Variants in KSR2 observed in about 807,000 individuals in gnomAD.
KSR2 encodes kinase suppressor of ras 2.
In KSR2, 25 loss-of-function variants were observed where a neutral mutation model predicts 107.8. That is an observed-to-expected ratio of 0.23 (90% confidence interval 0.17 to 0.32). KSR2 has a LOEUF of 0.32. KSR2 is among the 10% of genes least tolerant of loss of function. KSR2 has a pLI of 1.00. For missense variants in KSR2, 887 were observed against 1,268.9 expected, an observed-to-expected ratio of 0.70 and a Z score of 4.57; for synonymous variants, 480 against 507.0, an observed-to-expected ratio of 0.95 and a Z score of 0.71.
intron 3 of KSR2, among the ~76,000 whole-genome samples, chr12:117,841,847 T>C (rs913120399): frequency 6.6e-6 from 1 of 152,176 alleles, no homozygotes; most frequent in East Asian, 1.9e-4. Context: ...GGAATAATAA[T>C]CCTACGGACC....
chr12:117,611,639 C>T (rs1881608010), intron 5 of KSR2, among the ~76,000 whole-genome samples: 1 of 152,216 alleles, frequency 6.6e-6, no homozygotes. Context: ...GAACAGGTCC[C>T]GAGTAGAAAT....
intron 4 of KSR2, among the ~76,000 whole-genome samples, chr12:117,728,284 G>A (rs1367719013): frequency 1.3e-5 from 2 of 152,154 alleles, no homozygotes; most frequent in South Asian, 2.1e-4. Context: ...ATAAAGATAA[G>A]GGGCAAATAA....
intron 1 of KSR2, among the ~76,000 whole-genome samples, chr12:117,908,961 A>C (rs1894937353): frequency 6.6e-6 from 1 of 152,154 alleles, no homozygotes; most frequent in Admixed American, 6.5e-5. Flanking sequence ...AGTCCAATCC[A>C]ATTTTGCAGG....
chr12:117,656,975 TAATAGG>T (rs777513607), intron 5 of KSR2, among the ~76,000 whole-genome samples: 8,003 of 89,440 alleles, frequency 0.089, 467 homozygotes, highest in Admixed American at 0.2. Flanking sequence ...TATATATATA[TAATAGG>T]ATATATATAT....
At chr12:117,670,770 G>T (rs902377563) in intron 4 of KSR2, among the ~76,000 whole-genome samples, 1 of 152,172 alleles carries the variant, frequency 6.6e-6, no homozygotes, top group African/African-American at 2.4e-5. Flanking sequence ...AGATGAAGGA[G>T]ACAGGGCAGG....
chr12:117,734,988 C>T (rs985607980), intron 4 of KSR2, among the ~76,000 whole-genome samples: 1 of 152,178 alleles, frequency 6.6e-6, no homozygotes, highest in African/African-American at 2.4e-5. Flanking sequence ...TTTGCCCTCA[C>T]GGCCTCCACT....
chr12:117,550,573 A>T (rs1397177753), intron 9 of KSR2, among the ~76,000 whole-genome samples: 3 of 152,180 alleles, frequency 2.0e-5, no homozygotes, highest in African/African-American at 7.2e-5. Context: ...GAGATAGGCC[A>T]TTAGGAAGAA....
At chr12:117,836,486 G>A (rs1892218412) in intron 3 of KSR2, among the ~76,000 whole-genome samples, 1 of 152,172 alleles carries the variant, frequency 6.6e-6, no homozygotes, top group South Asian at 2.1e-4. Context: ...GTCCCAGACA[G>A]AGGCAAAAGC....
chr12:117,634,872 C>T (rs1882987910), intron 5 of KSR2, among the ~76,000 whole-genome samples: 1 of 152,146 alleles, frequency 6.6e-6, no homozygotes, highest in Non-Finnish European at 1.5e-5. Context: ...CTGGCCACCC[C>T]AAAGATGGAG....
intron 1 of KSR2, among the ~76,000 whole-genome samples, chr12:117,934,055 T>C (rs1895771331): frequency 6.6e-6 from 1 of 152,204 alleles, no homozygotes; most frequent in African/African-American, 2.4e-5. Flanking sequence ...TTCCTAGTAA[T>C]ATGTTCTTTA....
At chr12:117,862,487 G>A (rs1378425573) in intron 1 of KSR2, among the ~76,000 whole-genome samples, 1 of 151,882 alleles carries the variant, frequency 6.6e-6, no homozygotes, top group Non-Finnish European at 1.5e-5. Flanking sequence ...GCTATATGGT[G>A]AAACCCTGTC....
chr12:117,905,377 A>G (rs1593357193), intron 1 of KSR2, among the ~76,000 whole-genome samples: 1 of 152,184 alleles, frequency 6.6e-6, no homozygotes, highest in Non-Finnish European at 1.5e-5. Context: ...GTTATAATAC[A>G]AATAAAATAA....
chr12:117,598,354 C>T (rs776395345), intron 5 of KSR2, among the ~76,000 whole-genome samples: 14 of 152,130 alleles, frequency 9.2e-5, no homozygotes, highest in South Asian at 2.1e-4. Flanking sequence ...GGTGTATATA[C>T]GTATACCACA....
At chr12:117,766,070 T>C (rs1480961174) in intron 3 of KSR2, among the ~76,000 whole-genome samples, 1 of 152,110 alleles carries the variant, frequency 6.6e-6, no homozygotes, top group African/African-American at 2.4e-5. Flanking sequence ...CCCCAAATAA[T>C]TGAAAGCAAG....
chr12:117,681,365 G>C (rs1004295276), intron 4 of KSR2, among the ~76,000 whole-genome samples: 7 of 152,066 alleles, frequency 4.6e-5, no homozygotes, highest in Non-Finnish European at 1.0e-4. Flanking sequence ...TGGGAAGGCA[G>C]ACCTGGCATT....
At chr12:117,711,112 T>C (rs964334653) in intron 4 of KSR2, among the ~76,000 whole-genome samples, 2 of 152,244 alleles carry the variant, frequency 1.3e-5, no homozygotes, top group South Asian at 2.1e-4. Flanking sequence ...TTATAACTTA[T>C]ATCTCTTTGT....
At chr12:117,850,225 T>C (rs547546865) in intron 3 of KSR2, among the ~76,000 whole-genome samples, 68 of 152,290 alleles carry the variant, frequency 4.5e-4, no homozygotes, top group Admixed American at 3.9e-3. Context: ...GGCTCAGCGG[T>C]GTAGACCTGG....
At chr12:117,487,741 A>G (rs1872542425) in intron 14 of KSR2, among the ~76,000 whole-genome samples, 1 of 152,142 alleles carries the variant, frequency 6.6e-6, no homozygotes, top group Admixed American at 6.5e-5. Context: ...TAACTGCAGG[A>G]AAGTCTCAAG....
In KSR2 at chr12:117,591,852, T is replaced by A. The variant is rs188629826; in HGVS notation, c.1172-9493A>T. Among the ~76,000 whole-genome samples, 8 of 151,862 alleles carry A rather than the reference T, an allele frequency of 5.3e-5. No individual in the cohort carries two copies. The East Asian group carries it at 1.6e-3, about 30-fold the overall frequency. The stretch of plus-strand genomic sequence containing the variant: ...AACTCCATCTCTACTAAAAAAAGAA[T>A]ACAAAAGTTAGGAGGGTGTGGTGGC... On this transcript the variant is annotated intron_variant, in intron 5 of 19. Transcript: ENST00000339824.
Sources: gnomAD v4.1 joint callset for allele counts (sites outside exome capture counted in the v4.1 genomes callset) on GRCh38, gnomAD v4.1.1 for gene constraint, MANE v1.5 for transcripts, NCBI Gene and HGNC (gene_info 2026-07-23, HGNC 2026-07-21) for gene names.